The following PIEZO2 variants were observed in gnomAD, a reference collection of about 807,000 sequenced individuals.
PIEZO2 encodes piezo-type mechanosensitive ion channel component 2.
In PIEZO2, 172 loss-of-function variants were observed where a neutral mutation model predicts 337.3. The ratio of observed to expected loss-of-function variants is 0.51; its 90% CI spans 0.45 to 0.58. The LOEUF (loss-of-function observed/expected upper bound fraction) is 0.58, where lower values mean the gene tolerates loss of function less well. Among genes scored for constraint, PIEZO2 ranks in the 20% least tolerant of loss-of-function variants. The pLI is 0.00. For missense variants in PIEZO2, 3,028 were observed against 3,391.3 expected, an observed-to-expected ratio of 0.89 and a Z score of 2.66; for synonymous variants, 1,251 against 1,228.5, an observed-to-expected ratio of 1.02 and a Z score of -0.38.
In PIEZO2 at chr18:10,748,712, C is replaced by T. The variant is rs2037523493; in HGVS notation, c.4265-82G>A. 11 of 1,304,982 alleles carry T rather than the reference C, an allele frequency of 8.4e-6. No homozygotes were observed. The highest frequency in any genetic ancestry group is 3.2e-5 in the Admixed American group (1 of 31,270). The allele number at this position is 1,304,982 out of a possible 1,614,324, so 80.8% of individuals were successfully genotyped here. The stretch of plus-strand genomic sequence containing the variant: ...TTATAAAATCTGAGGTATGGTCAGG[C>T]TTGGGAAATATAGGCATAAAAGCAG... On this transcript the variant is annotated intron_variant, in intron 29 of 55. Transcript: ENST00000674853. The surrounding 1 kb of genome is among the most constrained non-coding windows in gnomAD (Gnocchi z 5.1).
At chr18:10,736,087 C>A (rs971159104) in intron 34 of PIEZO2, among the ~76,000 whole-genome samples, 2 of 152,140 alleles carry the variant, frequency 1.3e-5, no homozygotes, top group African/African-American at 4.8e-5. Context: ...GCTGAAAAAA[C>A]CAGAACTGTG....
chr18:10,851,881 A>T (rs2041564389), intron 7 of PIEZO2, among the ~76,000 whole-genome samples: 1 of 152,076 alleles, frequency 6.6e-6, no homozygotes, highest in Non-Finnish European at 1.5e-5. Context: ...TGCCTGATCT[A>T]GTATTTTCGA....
chr18:10,728,727 G>A (rs1018273410), intron 36 of PIEZO2, among the ~76,000 whole-genome samples: 7 of 151,804 alleles, frequency 4.6e-5, no homozygotes, highest in African/African-American at 1.5e-4. Flanking sequence ...AGGCCGAGGC[G>A]GGCGGATCAT....
intron 36 of PIEZO2, among the ~76,000 whole-genome samples, chr18:10,722,816 A>G (rs976574786): frequency 6.6e-6 from 1 of 152,204 alleles, no homozygotes; most frequent in African/African-American, 2.4e-5. Context: ...TAAATGAAGA[A>G]GTTTCCATAG....
At chr18:11,073,507 A>G (rs2038418791) in intron 1 of PIEZO2, among the ~76,000 whole-genome samples, 1 of 152,170 alleles carries the variant, frequency 6.6e-6, no homozygotes, top group African/African-American at 2.4e-5. Flanking sequence ...GTCAGCTTGG[A>G]GGCAGGTCCT....
chr18:11,074,992 A>G (rs1233779419), intron 1 of PIEZO2, among the ~76,000 whole-genome samples: 2 of 152,180 alleles, frequency 1.3e-5, no homozygotes, highest in Non-Finnish European at 2.9e-5. Context: ...CTCACTCTTA[A>G]TGGCCTAGGC....
At position 10,953,921 on chromosome 18, in the gene PIEZO2, C is replaced by T. The variant is rs145838547; in HGVS notation, c.286+25614G>A. 4.7e-4 allele frequency among the ~76,000 whole-genome samples: 72 copies of T among 152,196 alleles called. No individual in the cohort carries two copies. The Middle Eastern group carries it at 0.017, about 36-fold the overall frequency. ...GATACTGCCTTGTTTTAATGATTTGCGGCTGGCAGGGAACTGAAGTCTGTC... is the reference window on the plus strand; with the variant it reads ...GATACTGCCTTGTTTTAATGATTTGTGGCTGGCAGGGAACTGAAGTCTGTC... On this transcript the variant is annotated intron_variant, in intron 3 of 55. Transcript: ENST00000674853. This position sits in a 1 kb window ranked among gnomAD's most constrained non-coding sequence, Gnocchi z 5.2.
chr18:11,145,877 C>T (rs1469446990), intron 1 of PIEZO2, among the ~76,000 whole-genome samples: 1 of 152,174 alleles, frequency 6.6e-6, no homozygotes, highest in East Asian at 1.9e-4. Context: ...AGCTCAGGCT[C>T]TCTTCCAGCC....
intron 2 of PIEZO2, among the ~76,000 whole-genome samples, chr18:10,985,353 T>A (rs2034831352): frequency 6.6e-6 from 1 of 152,124 alleles, no homozygotes; most frequent in Non-Finnish European, 1.5e-5. Context: ...CAGGTAATTT[T>A]TGTATGTGAT....
intron 1 of PIEZO2, among the ~76,000 whole-genome samples, chr18:11,121,628 C>T (rs1443878562): frequency 3.9e-5 from 6 of 152,150 alleles, no homozygotes; most frequent in Admixed American, 3.9e-4. Context: ...ATTCGGCTTG[C>T]CCAGTAAGTC....
At chr18:10,698,330 A>C (rs1187055297) in intron 44 of PIEZO2, among the ~76,000 whole-genome samples, 1 of 152,120 alleles carries the variant, frequency 6.6e-6, no homozygotes, top group Admixed American at 6.5e-5. Flanking sequence ...CCGTAAGTAC[A>C]AAAGCTTCAG....
At chr18:10,721,511 G>A (rs2036308924) in intron 36 of PIEZO2, among the ~76,000 whole-genome samples, 2 of 150,534 alleles carry the variant, frequency 1.3e-5, no homozygotes, top group Non-Finnish European at 2.9e-5. Context: ...GATGACCAAA[G>A]AACAAATTTT....
chr18:11,086,758 G>GT (rs11373960), intron 1 of PIEZO2, among the ~76,000 whole-genome samples: 27,803 of 149,480 alleles, frequency 0.19, 3,042 homozygotes, highest in South Asian at 0.44. Flanking sequence ...ATAATTTCGG[G>GT]TTTTTTTTTT....
chr18:11,107,017 C>CA (rs1372490246), intron 1 of PIEZO2, among the ~76,000 whole-genome samples: 1 of 152,130 alleles, frequency 6.6e-6, no homozygotes, highest in Non-Finnish European at 1.5e-5. Context: ...TTCAGTTTGA[C>CA]AAAAAACGTC....
At chr18:11,008,764 A>G (rs1482395181) in intron 2 of PIEZO2, among the ~76,000 whole-genome samples, 2 of 152,142 alleles carry the variant, frequency 1.3e-5, no homozygotes, top group African/African-American at 4.8e-5. Context: ...CGTAAACAAC[A>G]CCCAGTCCCT....
At chr18:10,687,576 A>C (rs1460528317) in intron 49 of PIEZO2, among the ~76,000 whole-genome samples, 2 of 152,210 alleles carry the variant, frequency 1.3e-5, no homozygotes, top group African/African-American at 4.8e-5. Context: ...CCTTTGCAAC[A>C]TGACTTTGCC....
Position 10,784,850 on chromosome 18 carries a change from T to C in PIEZO2, c.2426A>G (p.His809Arg). ...GTCTGTGAGTTCAAGGAACCGGTCATGGAAGTAGTGCAGGTGTAAAATGCA... is the reference window on the plus strand; with the variant it reads ...GTCTGTGAGTTCAAGGAACCGGTCACGGAAGTAGTGCAGGTGTAAAATGCA... ...LVCILHLHYFHDRFLELTDLK... is the reference protein window; with the variant it reads ...LVCILHLHYFRDRFLELTDLK... The change falls in exon 17 of 56, where the codon CAT becomes CGT. Residue 809 changes from histidine to arginine, a missense_variant. This residue lies in a region of PIEZO2 where 1,925 missense variants were observed against 2,051.9 expected (regional missense o/e 0.94). Transcript: ENST00000674853. The surrounding 1 kb of genome is among the most constrained non-coding windows in gnomAD (Gnocchi z 4.5). The C allele has an allele frequency of 6.5e-7, 1 of 1,537,724 alleles. No homozygotes were observed. Among genetic ancestry groups the C allele is most frequent in the South Asian group, 1.2e-5 (1 of 84,040 alleles).
intron 14 of PIEZO2, 149 bp from the exon 15 acceptor site, chr18:10,789,514 A>G (rs1468636491): frequency 1.1e-6 from 1 of 893,886 alleles, no homozygotes; most frequent in Non-Finnish European, 1.6e-6. Context: ...TAAACTCAGC[A>G]ACATTTATAA....
In PIEZO2 at chr18:10,752,684, C is replaced by A. The variant is rs1283161962; in HGVS notation, c.4119G>T (p.Trp1373Cys). The change falls in exon 28 of 56, where the codon TGG becomes TGT. Residue 1373 changes from tryptophan (W) to cysteine (C), a missense_variant. Physicochemically the swap from Trp to Cys is radical, Grantham distance 215. Transcript: ENST00000674853. ...TCACAAAAACGTTGTATGCGATCAGCCAGTCCCAGTAGCGCAGGATGCTCT... is the reference window on the plus strand; with the variant it reads ...TCACAAAAACGTTGTATGCGATCAGACAGTCCCAGTAGCGCAGGATGCTCT... ...PIKSILRYWD[W>C]LIAYNVFVIT... 6 of 1,537,086 alleles carry A rather than the reference C, an allele frequency of 3.9e-6. No homozygotes were observed. Among genetic ancestry groups the A allele is most frequent in the Non-Finnish European group, 3.5e-6 (4 of 1,146,896 alleles).
Sources: gnomAD v4.1 joint callset for allele counts (sites outside exome capture counted in the v4.1 genomes callset) on GRCh38, gnomAD v4.1.1 for gene constraint, gnomAD v4.1.1 regional missense constraint, Gnocchi (gnomAD v3.1) non-coding constraint, MANE v1.5 for transcripts, NCBI Gene and HGNC (gene_info 2026-07-23, HGNC 2026-07-21) for gene names.